Variants in MLLT3 observed in about 807,000 individuals in gnomAD.
The protein encoded by MLLT3 is MLLT3 super elongation complex subunit.
A neutral mutation model predicts 53.2 loss-of-function variants in MLLT3; 4 were observed. The ratio of observed to expected loss-of-function variants is 0.08; its 90% CI spans 0.04 to 0.17. MLLT3 has a LOEUF of 0.17. Ranked by LOEUF, MLLT3 falls within the 10% of genes least tolerant of loss-of-function variation. The pLI, the probability that MLLT3 is intolerant of heterozygous loss-of-function variation, is 1.00. For synonymous variants in MLLT3, 283 were observed against 230.6 expected, an observed-to-expected ratio of 1.23 and a Z score of -2.06; for missense variants, 569 against 684.0, an observed-to-expected ratio of 0.83 and a Z score of 1.87.
chr9:20,564,798 T>C (rs1414809640), intron 2 of MLLT3, among the ~76,000 whole-genome samples: 1 of 152,184 alleles, frequency 6.6e-6, no homozygotes, highest in East Asian at 1.9e-4. Flanking sequence ...AGTGCTGATT[T>C]TCAAGCATCA....
At chr9:20,566,340 C>A (rs1819377923) in intron 2 of MLLT3, among the ~76,000 whole-genome samples, 1 of 151,626 alleles carries the variant, frequency 6.6e-6, no homozygotes, top group African/African-American at 2.4e-5. Context: ...CCCTTCTGCC[C>A]CCTAACAAAA....
chr9:20,377,352 T>C (rs1040608258), intron 5 of MLLT3, among the ~76,000 whole-genome samples: 4 of 152,166 alleles, frequency 2.6e-5, no homozygotes, highest in African/African-American at 9.6e-5. Context: ...AACGGCAACA[T>C]TGAACTGAAC....
chr9:20,429,432 A>C (rs1217637265), intron 4 of MLLT3, among the ~76,000 whole-genome samples: 2 of 152,206 alleles, frequency 1.3e-5, no homozygotes. Context: ...ATATTATCAA[A>C]GCAACAAATC....
intron 2 of MLLT3, among the ~76,000 whole-genome samples, chr9:20,564,825 C>T (rs569517515): frequency 6.6e-6 from 1 of 151,974 alleles, no homozygotes; most frequent in African/African-American, 2.4e-5. Context: ...AAGGTCAAAT[C>T]TGAACCAATG....
chr9:20,348,939 G>A (rs568557053), intron 10 of MLLT3, among the ~76,000 whole-genome samples: 116 of 152,042 alleles, frequency 7.6e-4, no homozygotes, highest in African/African-American at 2.7e-3. Context: ...TGTATTTTCT[G>A]GAATAATTTT....
intron 2 of MLLT3, among the ~76,000 whole-genome samples, chr9:20,538,920 C>CGATA (rs1405331555): frequency 1.3e-5 from 2 of 152,056 alleles, no homozygotes; most frequent in Non-Finnish European, 2.9e-5. Context: ...TACACATGTG[C>CGATA]GATAGCATTA....
intron 4 of MLLT3, among the ~76,000 whole-genome samples, chr9:20,419,917 A>G (rs982788202): frequency 3.3e-5 from 5 of 152,240 alleles, no homozygotes; most frequent in African/African-American, 1.2e-4. Flanking sequence ...AAAAACTGTA[A>G]TATAAGTCCT....
rs1822793343 is a variant in MLLT3 at position 20,413,860 on chromosome 9, T to C, written c.986A>G (p.Asp329Gly). Residue 329 changes from aspartate to glycine, a missense_variant, in exon 5 of 11, where the codon GAT becomes GGT. Physicochemically the swap from Asp to Gly is moderately conservative, Grantham distance 94. Coordinates refer to ENST00000380338, the MANE Select transcript of MLLT3 (RefSeq NM_004529.4). ...CTTTCCCATCTTGACATGAGATTTA[T>C]CTTTTATCTGTTTTTTGTCAGCAGA... is the stretch of plus-strand genomic sequence containing the variant. The part of the protein sequence containing the change: ...TCSADKKQIK[D>G]KSHVKMGKVK... 2 of 1,614,142 alleles carry C rather than the reference T, an allele frequency of 1.2e-6. No homozygotes were observed. The highest frequency in any genetic ancestry group is 8.5e-7 in the Non-Finnish European group (1 of 1,180,018).
intron 2 of MLLT3, among the ~76,000 whole-genome samples, chr9:20,577,903 T>C (rs754367211): frequency 2.0e-5 from 3 of 152,204 alleles, no homozygotes; most frequent in Non-Finnish European, 4.4e-5. Flanking sequence ...GCCAGTTCTA[T>C]ATTATTTGGG....
At chr9:20,577,350 C>G (rs779460638) in intron 2 of MLLT3, among the ~76,000 whole-genome samples, 3 of 152,164 alleles carry the variant, frequency 2.0e-5, no homozygotes, top group Non-Finnish European at 4.4e-5. Context: ...TTTCAAAACA[C>G]AACATAATAA....
Position 20,493,246 on chromosome 9 carries a change from A to G in MLLT3, c.194-36460T>C, listed in dbSNP as rs1461185579. Among the ~76,000 whole-genome samples the G allele has an allele frequency of 2.6e-5, 4 of 152,022 alleles. No individual in the cohort carries two copies. In the East Asian group the frequency reaches 5.8e-4, roughly 22 times the overall value. ...AAGACATTCGCCACATAAACAACTC[A>G]TATTTCTCCAAAAAGCATCCTACCT... is the stretch of plus-strand genomic sequence containing the variant. On this transcript the variant is annotated intron_variant, in intron 2 of 10. Coordinates refer to ENST00000380338, the MANE Select transcript of MLLT3 (RefSeq NM_004529.4).
At chr9:20,353,974 A>T (rs1383695847) in intron 9 of MLLT3, among the ~76,000 whole-genome samples, 1 of 152,204 alleles carries the variant, frequency 6.6e-6, no homozygotes, top group Non-Finnish European at 1.5e-5. Flanking sequence ...TCATTCTTGA[A>T]TCTCAGAAGG....
At chr9:20,577,677 T>C (rs1819688702) in intron 2 of MLLT3, among the ~76,000 whole-genome samples, 1 of 152,208 alleles carries the variant, frequency 6.6e-6, no homozygotes, top group African/African-American at 2.4e-5. Context: ...GACACAGCCA[T>C]GACAGATTCG....
chr9:20,350,169 T>A (rs1394524519), intron 10 of MLLT3, among the ~76,000 whole-genome samples: 1 of 152,218 alleles, frequency 6.6e-6, no homozygotes, highest in Non-Finnish European at 1.5e-5. Context: ...AGAACTCCAC[T>A]GTGCCTTTCT....
chr9:20,537,182 T>C (rs10811362), intron 2 of MLLT3, among the ~76,000 whole-genome samples: 30,194 of 152,096 alleles, frequency 0.2, 3,056 homozygotes, highest in Middle Eastern at 0.24. Context: ...CATTCTGAAA[T>C]AGGTTGAAAA....
chr9:20,405,527 G>A (rs1432596396), intron 5 of MLLT3, among the ~76,000 whole-genome samples: 1 of 152,166 alleles, frequency 6.6e-6, no homozygotes, highest in African/African-American at 2.4e-5. Context: ...TTCAGACCTG[G>A]ATTCGAATTC....
At chr9:20,598,786 G>T (rs976148937) in intron 2 of MLLT3, among the ~76,000 whole-genome samples, 6 of 152,186 alleles carry the variant, frequency 3.9e-5, no homozygotes, top group African/African-American at 1.4e-4. Flanking sequence ...CTCAAAAGCT[G>T]TCCAGAAAAC....
intron 2 of MLLT3, among the ~76,000 whole-genome samples, chr9:20,486,120 T>G (rs1449322969): frequency 6.6e-6 from 1 of 152,186 alleles, no homozygotes; most frequent in African/African-American, 2.4e-5. Context: ...GTCAGTCACA[T>G]GATAAACATT....
chr9:20,538,673 T>C (rs868592875), intron 2 of MLLT3, among the ~76,000 whole-genome samples: 2 of 152,182 alleles, frequency 1.3e-5, no homozygotes, highest in Admixed American at 6.5e-5. Flanking sequence ...TTATAAACTA[T>C]ATAAAATTAA....
Sources: gnomAD v4.1 joint callset for allele counts (sites outside exome capture counted in the v4.1 genomes callset) on GRCh38, gnomAD v4.1.1 for gene constraint, MANE v1.5 for transcripts, NCBI Gene and HGNC (gene_info 2026-07-23, HGNC 2026-07-21) for gene names.